Variants in AGBL1 observed in about 807,000 individuals in gnomAD.
AGBL1 encodes cytosolic carboxypeptidase 4.
A neutral mutation model predicts 118.9 loss-of-function variants in AGBL1; 130 were observed. The observed-to-expected ratio is 1.09, with a 90% CI of 0.95 to 1.26. The LOEUF (loss-of-function observed/expected upper bound fraction) is 1.26, where lower values mean the gene tolerates loss of function less well. Among genes scored for constraint, AGBL1 ranks in the 50% most tolerant of loss-of-function variants. AGBL1 has a pLI of 0.00. For synonymous variants in AGBL1, 555 were observed against 478.9 expected (o/e 1.16, Z -2.08); for missense variants, 1,584 against 1,298.1 (o/e 1.22, Z -3.38).
chr15:86,318,119 A>G (rs558284053), intron 17 of AGBL1, among the ~76,000 whole-genome samples: 52 of 152,218 alleles, frequency 3.4e-4, no homozygotes, highest in Non-Finnish European at 6.5e-4. Context: ...TTTATGTCCT[A>G]ATTAGCTGGA....
chr15:86,861,242 T>A (rs1261220966), intron 22 of AGBL1, among the ~76,000 whole-genome samples: 1 of 152,154 alleles, frequency 6.6e-6, no homozygotes, highest in Non-Finnish European at 1.5e-5. Flanking sequence ...AATAACATAC[T>A]GTCTGGGTGC....
intron 21 of AGBL1, among the ~76,000 whole-genome samples, chr15:86,579,179 T>G (rs181484958): frequency 6.6e-6 from 1 of 152,310 alleles, no homozygotes; most frequent in East Asian, 1.9e-4. Flanking sequence ...TTTTCAGATG[T>G]CAAAAAGCTG....
At chr15:86,464,800 G>T (rs763678300) in intron 18 of AGBL1, among the ~76,000 whole-genome samples, 5 of 152,080 alleles carry the variant, frequency 3.3e-5, no homozygotes, top group Non-Finnish European at 7.4e-5. Context: ...TGATTTGATT[G>T]TGATGGATAA....
At chr15:86,167,641 C>A (rs190948285) in intron 5 of AGBL1, among the ~76,000 whole-genome samples, 2 of 152,326 alleles carry the variant, frequency 1.3e-5, no homozygotes, top group Admixed American at 1.3e-4. Flanking sequence ...GAAGAAAACA[C>A]ACTCTGGTTT....
At chr15:86,230,628 C>T (rs1480969329) in intron 6 of AGBL1, among the ~76,000 whole-genome samples, 1 of 152,158 alleles carries the variant, frequency 6.6e-6, no homozygotes, top group Non-Finnish European at 1.5e-5. Flanking sequence ...CAGATGAGGG[C>T]CATGGAGTCA....
chr15:86,991,001 A>T (rs962402446), intron 24 of AGBL1, among the ~76,000 whole-genome samples: 2 of 152,178 alleles, frequency 1.3e-5, no homozygotes, highest in South Asian at 2.1e-4. Flanking sequence ...ATAGTGAAGG[A>T]GGGGTAGGAT....
At chr15:86,557,146 A>G (rs1016157472) in intron 21 of AGBL1, among the ~76,000 whole-genome samples, 1 of 152,200 alleles carries the variant, frequency 6.6e-6, no homozygotes, top group African/African-American at 2.4e-5. Flanking sequence ...TAGATCTATA[A>G]CTTGTATTTA....
At chr15:86,417,418 T>C (rs1202117234) in intron 18 of AGBL1, among the ~76,000 whole-genome samples, 2 of 152,226 alleles carry the variant, frequency 1.3e-5, no homozygotes, top group Admixed American at 1.3e-4. Flanking sequence ...TTCCGATTGT[T>C]ATCTGAATTA....
At chr15:86,148,158 T>C (rs2083978) in intron 3 of AGBL1, among the ~76,000 whole-genome samples, 23,444 of 152,038 alleles carry the variant, frequency 0.15, 2,114 homozygotes, top group Admixed American at 0.2. Flanking sequence ...GTAGATAAAA[T>C]CAGAAAGATG....
At chr15:86,647,683 A>G (rs1308157929) in intron 21 of AGBL1, among the ~76,000 whole-genome samples, 4 of 152,220 alleles carry the variant, frequency 2.6e-5, no homozygotes, top group African/African-American at 9.6e-5. Context: ...CCTGGGTGAC[A>G]GAGCAAGACT....
chr15:86,286,097 TTCTC>T (rs1376030722), intron 16 of AGBL1, among the ~76,000 whole-genome samples: 1 of 144,990 alleles, frequency 6.9e-6, no homozygotes, highest in Admixed American at 6.9e-5. Context: ...TTGTTCCCCC[TTCTC>T]TCTTTTTTCT....
chr15:86,142,040 A>C lies in AGBL1; in HGVS notation c.88A>C (p.Lys30Gln). The C allele has an allele frequency of 5.2e-6, 8 of 1,550,106 alleles. No individual in the cohort carries two copies. The highest frequency in any genetic ancestry group is 2.0e-5 in the Admixed American group (1 of 50,958). Residue 30 changes from lysine to glutamine, a missense_variant, in exon 2 of 23, where the codon AAG (lysine) becomes CAG (glutamine). Coordinates refer to ENST00000614907, the MANE Select transcript of AGBL1 (RefSeq NM_001386094.1). The stretch of plus-strand genomic sequence containing the variant: ...CAAGGAGTCCATCCTGACCATCCTC[A>C]AGGTCCTCGGAGATCTGCTTTCTGT... ...SDKESILTILKVLGDLLSVGT... is the reference protein window; with the variant it reads ...SDKESILTILQVLGDLLSVGT...
chr15:86,947,656 G>T (rs1471830702), intron 23 of AGBL1, among the ~76,000 whole-genome samples: 1 of 152,174 alleles, frequency 6.6e-6, no homozygotes, highest in Non-Finnish European at 1.5e-5. Flanking sequence ...GTGCACAAAA[G>T]AGTCAAAAGA....
At chr15:86,964,035 G>GTGTA (rs2081022822) in intron 23 of AGBL1, among the ~76,000 whole-genome samples, 1 of 72,460 alleles carries the variant, frequency 1.4e-5, no homozygotes, top group Non-Finnish European at 3.3e-5. Context: ...CTCTCTCTGT[G>GTGTA]TGTGTGTGTG....
chr15:86,199,215 AGATT>A (rs2077865661), intron 5 of AGBL1, among the ~76,000 whole-genome samples: 1 of 151,994 alleles, frequency 6.6e-6, no homozygotes, highest in African/African-American at 2.4e-5. Flanking sequence ...TTATATAGAT[AGATT>A]GTGTAGATGT....
chr15:86,973,955 TATA>T (rs2081138882), intron 23 of AGBL1, among the ~76,000 whole-genome samples: 1 of 142,918 alleles, frequency 7.0e-6, no homozygotes, highest in South Asian at 2.1e-4. Context: ...ATATATTAAA[TATA>T]AACATATTTA....
At position 86,379,404 on chromosome 15, in the gene AGBL1, C is replaced by T. The variant is rs189605664; in HGVS notation, c.2375-17962C>T. ...TGTTTTACAGAAAACTTTTTAAAGT[C>T]AAATTTGAGTGGTTCTCATTCAAAC... On this transcript the variant is annotated intron_variant, in intron 17 of 22. Transcript: ENST00000614907. Among the ~76,000 whole-genome samples, 54 of 152,088 alleles carry T rather than the reference C, an allele frequency of 3.6e-4. 1 individual carries two copies. Among genetic ancestry groups the T allele is most frequent in the African/African-American group, 1.3e-3 (53 of 41,486 alleles).
chr15:86,228,774 A>G (rs1046333034), intron 6 of AGBL1, among the ~76,000 whole-genome samples: 1 of 152,362 alleles, frequency 6.6e-6, no homozygotes, highest in Admixed American at 6.5e-5. Context: ...TGTTGGGAAA[A>G]GAAAAATGAA....
chr15:86,621,639 G>T (rs528029097), intron 21 of AGBL1, among the ~76,000 whole-genome samples: 1 of 152,152 alleles, frequency 6.6e-6, no homozygotes, highest in African/African-American at 2.4e-5. Flanking sequence ...CATCTGAAAA[G>T]ACCTTATGTC....
Sources: allele counts gnomAD v4.1 joint callset (sites outside exome capture counted in the v4.1 genomes callset), GRCh38; gene constraint gnomAD v4.1.1; transcripts MANE v1.5; gene names NCBI Gene and HGNC (gene_info 2026-07-23, HGNC 2026-07-21).